Variants in MAST2 observed in about 807,000 individuals in gnomAD.
The protein encoded by MAST2 is microtubule associated serine/threonine kinase 2.
In MAST2, 70 loss-of-function variants were observed where a neutral mutation model predicts 147.4. That is an observed-to-expected ratio of 0.47 (90% CI 0.39 to 0.58). The LOEUF is 0.58. MAST2 is among the 20% of genes least tolerant of loss of function. The pLI is 0.00. For missense variants in MAST2, 2,080 were observed against 2,302.3 expected (o/e 0.90, Z 1.98); for synonymous variants, 869 against 896.8 (o/e 0.97, Z 0.55).
At position 45,997,632 on chromosome 1, in the gene MAST2, C is replaced by G. The variant is rs1645108416; in HGVS notation, c.593-92C>G. 7.0e-6 allele frequency: 6 copies of G among 856,676 alleles called. No homozygotes were observed. The South Asian group carries it at 8.3e-5, about 12-fold the overall frequency. 53.1% of individuals were successfully genotyped at this position (856,676 alleles called of 1,614,324 possible). A position where few individuals can be genotyped will look rare whatever the true frequency, so the allele number is the denominator to read the frequency against. On this transcript the variant is annotated intron_variant, in intron 5 of 28. Transcript: ENST00000361297. Reference sequence around the variant, plus strand: ...CCCTGAGAAAATAACCATATAATTGCCAGTGCTAGGGGAATATTTCTTGCC... The same window carrying G: ...CCCTGAGAAAATAACCATATAATTGGCAGTGCTAGGGGAATATTTCTTGCC...
In MAST2 at chr1:46,031,367, C is replaced by T; in HGVS notation, c.2993-24C>T. The T allele has an allele frequency of 6.3e-7, 1 of 1,596,938 alleles. No homozygotes were observed. Among genetic ancestry groups the T allele is most frequent in the Non-Finnish European group, 8.6e-7 (1 of 1,168,544 alleles). On this transcript the variant is annotated intron_variant, in intron 23 of 28. Coordinates refer to ENST00000361297, the MANE Select transcript of MAST2 (RefSeq NM_015112.3). This position sits in a 1 kb window ranked among gnomAD's most constrained non-coding sequence, Gnocchi z 4.1. Reference sequence around the variant, plus strand: ...AGGGAGGCTCAGCGGCATCGCGGGTCTCACTGCTTACTTGGGCCTACAGCT... The same window carrying T: ...AGGGAGGCTCAGCGGCATCGCGGGTTTCACTGCTTACTTGGGCCTACAGCT...
At chr1:46,030,495 G>A (rs1186229857) in intron 21 of MAST2, 112 bp from the exon 22 acceptor site, 1 of 1,276,466 alleles carries the variant, frequency 7.8e-7, no homozygotes, top group African/African-American at 1.5e-5. Context: ...TGTGAAGGAG[G>A]GATGGAACCG....
intron 1 of MAST2, among the ~76,000 whole-genome samples, chr1:45,813,779 A>G (rs537091998): frequency 1.5e-4 from 23 of 152,102 alleles, no homozygotes; most frequent in Non-Finnish European, 2.8e-4. Context: ...GATTATAGGC[A>G]TGAACCACTG....
chr1:45,868,678 T>G (rs1011321127), intron 3 of MAST2, among the ~76,000 whole-genome samples: 4 of 152,168 alleles, frequency 2.6e-5, no homozygotes, highest in African/African-American at 9.7e-5. Flanking sequence ...CCTTGGGACT[T>G]TTTTTATTTT....
At chr1:45,887,502 G>A (rs934219796) in intron 4 of MAST2, among the ~76,000 whole-genome samples, 1 of 152,134 alleles carries the variant, frequency 6.6e-6, no homozygotes, top group South Asian at 2.1e-4. Flanking sequence ...ACCAGATATT[G>A]GATGAAAGTT....
Position 46,034,603 on chromosome 1 carries a change from G to A in MAST2, c.3934G>A (p.Gly1312Arg). The change falls in exon 29 of 29, where the codon GGG (glycine) becomes AGG (arginine). Residue 1312 changes from glycine to arginine, a missense_variant. By Grantham distance (125) the Gly-to-Arg change is moderately radical (BLOSUM62 -2). This residue lies in a region of MAST2 where 1,278 missense variants were observed against 1,304.2 expected (regional missense o/e 0.98). Coordinates refer to ENST00000361297, the MANE Select transcript of MAST2 (RefSeq NM_015112.3). Reference sequence around the variant, plus strand: ...CGTGCCCAGTTCCCCAGCCGGCTCTGGGCACACACGGCCCAGCTCCCTCCA... The same window carrying A: ...CGTGCCCAGTTCCCCAGCCGGCTCTAGGCACACACGGCCCAGCTCCCTCCA... ...SSVPSSPAGS[G>R]HTRPSSLHGL... The A allele has an allele frequency of 6.2e-7, 1 of 1,614,070 alleles. No homozygotes were observed.
At position 45,910,068 on chromosome 1, in the gene MAST2, AT is replaced by A. The variant is rs1651436293; in HGVS notation, c.500+27674del. Among the ~76,000 whole-genome samples, 17 of 148,910 alleles carry A rather than the reference AT, an allele frequency of 1.1e-4. 1 individual carries two copies. The Middle Eastern group carries it at 0.021, about 188-fold the overall frequency. On this transcript the variant is annotated intron_variant, in intron 4 of 28. Transcript: ENST00000361297. ...CTCTGGTTTATTTTCTGTGTTTCCAATCTTCAGTGATAGTAATTGTGTAAGT... is the reference window on the plus strand; with the variant it reads ...CTCTGGTTTATTTTCTGTGTTTCCAACTTCAGTGATAGTAATTGTGTAAGT...
chr1:45,922,995 T>G (rs1653773996), intron 4 of MAST2, among the ~76,000 whole-genome samples: 1 of 152,154 alleles, frequency 6.6e-6, no homozygotes, highest in Non-Finnish European at 1.5e-5. Context: ...TACTTGCTGC[T>G]GTGGGGTGCC....
chr1:45,927,984 C>G (rs559231275), intron 4 of MAST2, among the ~76,000 whole-genome samples: 1 of 152,194 alleles, frequency 6.6e-6, no homozygotes, highest in Non-Finnish European at 1.5e-5. Context: ...TGACTTCCTG[C>G]AATACTTGCC....
intron 8 of MAST2, among the ~76,000 whole-genome samples, chr1:46,007,212 T>C (rs1645521916): frequency 6.6e-6 from 1 of 152,146 alleles, no homozygotes; most frequent in Non-Finnish European, 1.5e-5. Flanking sequence ...TTGGCTAAGA[T>C]GTGCAGGGTA....
intron 3 of MAST2, among the ~76,000 whole-genome samples, chr1:45,866,940 G>A (rs1473962469): frequency 6.6e-6 from 1 of 151,972 alleles, no homozygotes; most frequent in Non-Finnish European, 1.5e-5. Context: ...TAGTAGAGAC[G>A]GTGTTTCACC....
Position 46,029,889 on chromosome 1 carries a change from TC to T in MAST2, c.2380del (p.Leu794SerfsTer38). 6.2e-7 allele frequency: 1 copy of T among 1,614,228 alleles called. No individual in the cohort carries two copies. Among genetic ancestry groups the T allele is most frequent in the Non-Finnish European group, 8.5e-7 (1 of 1,180,038 alleles). ...TTACTGGTCTGGACTGGACAGGACTTCTCCGCCAGAAGGCTGAATTTATTCC... is the reference window on the plus strand; with the variant it reads ...TTACTGGTCTGGACTGGACAGGACTTTCCGCCAGAAGGCTGAATTTATTCC... ...FFTGLDWTGLLRQKAEFIPQL... is the reference protein window; with the variant it reads ...FFTGLDWTGLXRQKAEFIPQL... On this transcript the variant is annotated frameshift_variant, in exon 20 of 29. Coordinates refer to ENST00000361297, the MANE Select transcript of MAST2 (RefSeq NM_015112.3). LOFTEE classifies it high-confidence loss of function.
At chr1:45,894,538 A>G (rs1333748474) in intron 4 of MAST2, among the ~76,000 whole-genome samples, 1 of 152,218 alleles carries the variant, frequency 6.6e-6, no homozygotes, top group Admixed American at 6.5e-5. Context: ...TTTGCTAACT[A>G]GGCGTATTAC....
intron 3 of MAST2, among the ~76,000 whole-genome samples, chr1:45,845,900 A>G (rs946329688): frequency 1.1e-4 from 16 of 152,110 alleles, no homozygotes; most frequent in Non-Finnish European, 2.2e-4. Flanking sequence ...AGCTGGGACT[A>G]CAGGTGCCCA....
intron 3 of MAST2, among the ~76,000 whole-genome samples, chr1:45,863,077 A>C (rs1646032772): frequency 1.3e-5 from 2 of 152,076 alleles, no homozygotes; most frequent in Non-Finnish European, 2.9e-5. Context: ...TCCCTATCTC[A>C]GTGGTTGGCA....
intron 3 of MAST2, chr1:45,847,688 A>T (rs1645486174): frequency 3.1e-6 from 1 of 323,884 alleles, no homozygotes; most frequent in Non-Finnish European, 6.1e-6. Context: ...AGCAGCTCAC[A>T]GGAGTACCCG....
chr1:45,959,335 C>T (rs768354732), intron 4 of MAST2, 51 bp from the exon 5 acceptor site: 2 of 1,442,688 alleles, frequency 1.4e-6, no homozygotes, highest in African/African-American at 2.8e-5. Flanking sequence ...CTCAAGGTCT[C>T]TGGGCCCATG....
intron 10 of MAST2, among the ~76,000 whole-genome samples, chr1:46,016,031 CA>C (rs1402914239): frequency 6.6e-6 from 1 of 152,034 alleles, no homozygotes; most frequent in East Asian, 1.9e-4. Flanking sequence ...ATACATAAAT[CA>C]ATAAATGTAA....
intron 4 of MAST2, among the ~76,000 whole-genome samples, chr1:45,931,377 G>T (rs377039877): frequency 8.9e-4 from 90 of 101,146 alleles, no homozygotes; most frequent in East Asian, 1.6e-3. Flanking sequence ...ATTGTGTTCT[G>T]TTTTTTTTTT....
Sources: allele counts gnomAD v4.1 joint callset (sites outside exome capture counted in the v4.1 genomes callset), GRCh38; gene constraint gnomAD v4.1.1; regional missense constraint gnomAD v4.1.1; non-coding constraint Gnocchi (gnomAD v3.1); transcripts MANE v1.5; gene names NCBI Gene and HGNC (gene_info 2026-07-23, HGNC 2026-07-21).